The following CCDC102B variants were observed in gnomAD, a reference collection of about 807,000 sequenced individuals.
CCDC102B encodes the protein coiled-coil domain containing 102B, also known as coiled-coil domain-containing protein 102B.
Under a neutral mutation model 57.4 loss-of-function variants are expected in CCDC102B, and 75 were observed. The ratio of observed to expected loss-of-function variants is 1.31; its 90% CI spans 1.08 to 1.58. The LOEUF (loss-of-function observed/expected upper bound fraction) is 1.58, where lower values mean the gene tolerates loss of function less well. Ranked by LOEUF, CCDC102B falls within the 40% of genes most tolerant of loss-of-function variation. The pLI, the probability that CCDC102B is intolerant of heterozygous loss-of-function variation, is 0.00. For missense variants in CCDC102B, 636 were observed against 582.6 expected, an observed-to-expected ratio of 1.09 and a Z score of -0.94; for synonymous variants, 206 against 201.9, an observed-to-expected ratio of 1.02 and a Z score of -0.17.
intron 6 of CCDC102B, among the ~76,000 whole-genome samples, chr18:68,971,364 A>G (rs771401919): frequency 1.3e-5 from 2 of 152,068 alleles, no homozygotes; most frequent in Non-Finnish European, 2.9e-5. Context: ...TCACACATTC[A>G]TCAATTATAT....
At chr18:68,912,231 A>T (rs992203325) in intron 6 of CCDC102B, among the ~76,000 whole-genome samples, 5 of 152,180 alleles carry the variant, frequency 3.3e-5, no homozygotes, top group African/African-American at 1.2e-4. Flanking sequence ...CAGCCTCCTG[A>T]TTCTATTAAA....
At chr18:68,763,272 G>A (rs1281546512) in intron 2 of CCDC102B, among the ~76,000 whole-genome samples, 1 of 151,874 alleles carries the variant, frequency 6.6e-6, no homozygotes, top group Non-Finnish European at 1.5e-5. Context: ...CAACCTCCTT[G>A]GAGATTACTT....
chr18:68,921,636 G>T (rs185670090), intron 6 of CCDC102B, among the ~76,000 whole-genome samples: 249 of 152,278 alleles, frequency 1.6e-3, no homozygotes, highest in Middle Eastern at 6.8e-3. Context: ...TGGCTTTGAA[G>T]ATAGAGAAGC....
chr18:69,014,654 A>T (rs564785997), intron 7 of CCDC102B, among the ~76,000 whole-genome samples: 2 of 152,060 alleles, frequency 1.3e-5, no homozygotes, highest in Non-Finnish European at 2.9e-5. Flanking sequence ...CTCTAGAGCA[A>T]GAACAGACAT....
intron 1 of CCDC102B, among the ~76,000 whole-genome samples, chr18:68,802,272 G>A (rs929446217): frequency 1.3e-5 from 2 of 152,094 alleles, no homozygotes; most frequent in East Asian, 1.9e-4. Flanking sequence ...AAGCAACTAC[G>A]TAGAGTCCCT....
At chr18:68,839,978 T>C (rs2037557614) in intron 3 of CCDC102B, among the ~76,000 whole-genome samples, 1 of 152,140 alleles carries the variant, frequency 6.6e-6, no homozygotes, top group South Asian at 2.1e-4. Context: ...CAACGATCTT[T>C]GCAAAATACA....
Position 69,054,377 on chromosome 18 carries a change from T to C in CCDC102B, c.*240T>C. Reference sequence around the variant, plus strand: ...CAACTTTAATTCTAAGATGTGTAAATATTTTGAAAGTCAAAAAGGGCTTTC... The same window carrying C: ...CAACTTTAATTCTAAGATGTGTAAACATTTTGAAAGTCAAAAAGGGCTTTC... On this transcript the variant is annotated 3_prime_UTR_variant, in exon 8 of 8. Transcript: ENST00000360242. 1 of 1,147,628 alleles carries C rather than the reference T, an allele frequency of 8.7e-7. No individual in the cohort carries two copies. The highest frequency in any genetic ancestry group is 1.6e-5 in the African/African-American group (1 of 61,796). The allele number at this position is 1,147,628 out of a possible 1,614,324, so 71.1% of individuals were successfully genotyped here.
downstream of CCDC102B, among the ~76,000 whole-genome samples, chr18:69,056,636 A>AATAGATAGATAGATAGATAG (rs71176933): frequency 8.2e-6 from 1 of 121,918 alleles, no homozygotes; most frequent in African/African-American, 2.9e-5. Context: ...ATAGATAGAT[A>AATAGATAGATAGATAGATAG]ATAGATAGAT....
intron 2 of CCDC102B, among the ~76,000 whole-genome samples, chr18:68,748,231 T>C (rs1397121725): frequency 6.6e-6 from 1 of 151,222 alleles, no homozygotes; most frequent in African/African-American, 2.4e-5. Flanking sequence ...TGTGTGTGTG[T>C]GTGTGTGTGT....
intron 1 of CCDC102B, among the ~76,000 whole-genome samples, chr18:68,799,324 A>T (rs933027945): frequency 6.6e-6 from 1 of 152,092 alleles, no homozygotes; most frequent in Non-Finnish European, 1.5e-5. Flanking sequence ...AAAATATCCT[A>T]TGTTCTTATG....
intron 5 of CCDC102B, among the ~76,000 whole-genome samples, chr18:68,891,083 T>C (rs2144995754): frequency 6.6e-6 from 1 of 152,336 alleles, no homozygotes; most frequent in South Asian, 2.1e-4. Context: ...TCTGTATCTC[T>C]TTTAAACTGT....
intron 6 of CCDC102B, among the ~76,000 whole-genome samples, chr18:68,906,848 T>C (rs1211261394): frequency 1.2e-5 from 1 of 84,004 alleles, no homozygotes; most frequent in African/African-American, 4.6e-5. Flanking sequence ...TTTTTTTTTT[T>C]TGTCATTTAT....
intron 6 of CCDC102B, among the ~76,000 whole-genome samples, chr18:68,905,784 C>CTTTTTTTTTTTTTTTTTTTTT (rs35808828): frequency 4.3e-5 from 3 of 70,438 alleles, no homozygotes; most frequent in East Asian, 5.5e-4. Context: ...TTATGTCTGG[C>CTTTTTTTTTTTTTTTTTTTTT]TTTTTTTTTT....
intron 2 of CCDC102B, among the ~76,000 whole-genome samples, chr18:68,742,256 T>C (rs1398366359): frequency 6.6e-6 from 1 of 152,198 alleles, no homozygotes; most frequent in Non-Finnish European, 1.5e-5. Context: ...CACTGTGATC[T>C]CTTGCTTCTG....
At chr18:68,818,720 T>C (rs1397367959) in intron 1 of CCDC102B, among the ~76,000 whole-genome samples, 2 of 152,208 alleles carry the variant, frequency 1.3e-5, no homozygotes, top group African/African-American at 2.4e-5. Flanking sequence ...TTTTTGTTGT[T>C]ACACAGTAAC....
intron 2 of CCDC102B, among the ~76,000 whole-genome samples, chr18:68,717,818 G>T (rs771506578): frequency 1.6e-4 from 25 of 152,038 alleles, no homozygotes; most frequent in Non-Finnish European, 3.4e-4. Flanking sequence ...CATACATATT[G>T]CTGTAGTCTA....
chr18:68,888,395 A>C (rs1381930520), intron 5 of CCDC102B, among the ~76,000 whole-genome samples: 3 of 152,200 alleles, frequency 2.0e-5, no homozygotes, highest in African/African-American at 4.8e-5. Flanking sequence ...TATTGGTCTA[A>C]TTGATTGTTA....
intron 5 of CCDC102B, among the ~76,000 whole-genome samples, chr18:68,885,002 A>G (rs1452532232): frequency 1.3e-5 from 2 of 151,938 alleles, no homozygotes; most frequent in Admixed American, 1.3e-4. Context: ...AATATATACA[A>G]TGCAATTTAT....
intron 6 of CCDC102B, among the ~76,000 whole-genome samples, chr18:68,997,749 A>G (rs1893109845): frequency 6.6e-6 from 1 of 151,952 alleles, no homozygotes; most frequent in Admixed American, 6.6e-5. Flanking sequence ...GCTTTTTAGA[A>G]AGTTCTACTT....
Sources: gnomAD v4.1 joint callset for allele counts (sites outside exome capture counted in the v4.1 genomes callset) on GRCh38, gnomAD v4.1.1 for gene constraint, MANE v1.5 for transcripts, NCBI Gene and HGNC (gene_info 2026-07-23, HGNC 2026-07-21) for gene names.